The following PRKN variants were observed in gnomAD, a reference collection of about 807,000 sequenced individuals.
PRKN encodes the protein parkin RBR E3 ubiquitin protein ligase.
In PRKN, 56 loss-of-function variants were observed where a neutral mutation model predicts 59.5. The observed-to-expected ratio is 0.94, with a 90% CI of 0.76 to 1.18. The LOEUF is 1.18. PRKN is among the 50% of genes most tolerant of loss of function. The pLI is 0.00. For synonymous variants in PRKN, 250 were observed against 222.1 expected, an observed-to-expected ratio of 1.13 and a Z score of -1.12; for missense variants, 657 against 596.4, an observed-to-expected ratio of 1.10 and a Z score of -1.06.
intron 2 of PRKN, among the ~76,000 whole-genome samples, chr6:162,388,350 G>A (rs1444163436): frequency 2.6e-5 from 4 of 152,170 alleles, no homozygotes; most frequent in Non-Finnish European, 5.9e-5. Flanking sequence ...TCTATCAAGA[G>A]TGACACTTAC....
At position 161,876,608 on chromosome 6, in the gene PRKN, C is replaced by T. The variant is rs149861028; in HGVS notation, c.735-90700G>A. Among the ~76,000 whole-genome samples the T allele has an allele frequency of 3.1e-4, 47 of 152,230 alleles. No homozygotes were observed. The East Asian group carries it at 6.6e-3, about 21-fold the overall frequency. On this transcript the variant is annotated intron_variant, in intron 6 of 11. Coordinates refer to ENST00000366898, the MANE Select transcript of PRKN (RefSeq NM_004562.3). ...GATTACAGGCGTGAGCCACCATGCC[C>T]GGCTTTATTTTCACTTTTCTTATGA...
rs149403605 is a variant in PRKN, at chr6:162,234,116, A to G, written c.412+28409T>C. On this transcript the variant is annotated intron_variant, in intron 3 of 11. Coordinates refer to ENST00000366898, the MANE Select transcript of PRKN (RefSeq NM_004562.3). ...ATCATAGTATTGAACCTAACATAGG[A>G]TGGGGGAAAAAAGCAGAGAATGTGT... Among the ~76,000 whole-genome samples, 66 of 152,308 alleles carry G rather than the reference A, an allele frequency of 4.3e-4. 1 individual carries two copies. In the East Asian group the frequency reaches 0.011, roughly 26 times the overall value.
Position 161,548,610 on chromosome 6 carries a change from T to C in PRKN, c.1083+244A>G, listed in dbSNP as rs990863366. Reference sequence around the variant, plus strand: ...CCTAGTGGCTCACAGCATCTTAAAGTAAATACTTCCATAAGCAACCAAAGC... The same window carrying C: ...CCTAGTGGCTCACAGCATCTTAAAGCAAATACTTCCATAAGCAACCAAAGC... On this transcript the variant is annotated intron_variant, in intron 9 of 11. Transcript: ENST00000366898. This position sits in a 1 kb window ranked among gnomAD's most constrained non-coding sequence, Gnocchi z 4.2. The C allele has an allele frequency of 3.9e-6, 2 of 508,510 alleles. No individual in the cohort carries two copies. The highest frequency in any genetic ancestry group is 1.9e-5 in the African/African-American group (1 of 51,870). The allele number at this position is 508,510 out of a possible 1,614,324, so 31.5% of individuals were successfully genotyped here.
chr6:162,293,045 G>T (rs1400855835), intron 2 of PRKN, among the ~76,000 whole-genome samples: 1 of 152,116 alleles, frequency 6.6e-6, no homozygotes, highest in Non-Finnish European at 1.5e-5. Context: ...AAAGGGTGCT[G>T]GCTCAAAAAA....
At chr6:162,461,513 A>AAAG in intron 1 of PRKN, among the ~76,000 whole-genome samples, 1 of 147,424 alleles carries the variant, frequency 6.8e-6, no homozygotes, top group African/African-American at 2.5e-5. Context: ...AAAAAAAAAA[A>AAAG]AAAAAAAAAA....
intron 4 of PRKN, among the ~76,000 whole-genome samples, chr6:162,192,442 ATTT>A (rs10534285): frequency 0.017 from 1,299 of 74,522 alleles, 18 homozygotes; most frequent in African/African-American, 0.067. Context: ...AATTATAGGG[ATTT>A]TTTTTTTTTT....
intron 7 of PRKN, among the ~76,000 whole-genome samples, chr6:161,769,149 G>T (rs973317816): frequency 3.9e-5 from 6 of 152,244 alleles, no homozygotes; most frequent in Middle Eastern, 3.4e-3. Flanking sequence ...ATGTCAAAAA[G>T]AAAATAAGAT....
chr6:161,368,760 G>A (rs61047729), intron 10 of PRKN, among the ~76,000 whole-genome samples: 8,611 of 150,978 alleles, frequency 0.057, 835 homozygotes, highest in African/African-American at 0.2. Context: ...CTGCCTGGCC[G>A]GTTCTCCCTT....
At chr6:161,962,354 G>C (rs544915978) in intron 6 of PRKN, among the ~76,000 whole-genome samples, 32 of 151,930 alleles carry the variant, frequency 2.1e-4, no homozygotes, top group Non-Finnish European at 4.4e-4. Context: ...ATAGCAAATT[G>C]CTAATTATAA....
At chr6:162,038,700 A>T (rs559088140) in intron 5 of PRKN, among the ~76,000 whole-genome samples, 1 of 152,228 alleles carries the variant, frequency 6.6e-6, no homozygotes, top group Non-Finnish European at 1.5e-5. Context: ...TATGTCACTG[A>T]TGTTGACTTG....
intron 1 of PRKN, among the ~76,000 whole-genome samples, chr6:162,659,579 T>C (rs1181049970): frequency 1.3e-5 from 2 of 152,140 alleles, no homozygotes; most frequent in East Asian, 3.9e-4. Flanking sequence ...AGGATTTCAA[T>C]TAATGCATAT....
chr6:161,780,316 C>T (rs559555729), intron 7 of PRKN, among the ~76,000 whole-genome samples: 1 of 152,234 alleles, frequency 6.6e-6, no homozygotes, highest in South Asian at 2.1e-4. Context: ...AGGACTTACA[C>T]AGGTATTATG....
At chr6:161,902,560 A>ATCTATTTTTTTTTTT (rs1554245457) in intron 6 of PRKN, among the ~76,000 whole-genome samples, 48 of 125,328 alleles carry the variant, frequency 3.8e-4, no homozygotes, top group East Asian at 9.8e-4. Context: ...TTATTTATTT[A>ATCTATTTTTTTTTTT]TTTATTTTTT....
At chr6:162,397,946 A>T (rs1787557500) in intron 2 of PRKN, among the ~76,000 whole-genome samples, 1 of 151,564 alleles carries the variant, frequency 6.6e-6, no homozygotes, top group Non-Finnish European at 1.5e-5. Flanking sequence ...CTGAGGCCTG[A>T]GAACCACTTG....
chr6:161,579,606 C>T lies in PRKN; in HGVS notation c.872-10190G>A, dbSNP rs148909163. On this transcript the variant is annotated intron_variant, in intron 7 of 11. Coordinates refer to ENST00000366898, the MANE Select transcript of PRKN (RefSeq NM_004562.3). The surrounding 1 kb of genome is among the most constrained non-coding windows in gnomAD (Gnocchi z 4.2). ...CACTATTAAGTTTGGGAAAATAAAT[C>T]ATATCCAAAACCAGTATTAAATAAA... Among the ~76,000 whole-genome samples the T allele has an allele frequency of 1.6e-3, 251 of 152,124 alleles. 3 individuals are homozygous for T. The highest frequency in any genetic ancestry group is 5.8e-3 in the African/African-American group (240 of 41,484).
intron 1 of PRKN, among the ~76,000 whole-genome samples, chr6:162,557,022 G>C (rs577178789): frequency 1.3e-5 from 2 of 152,260 alleles, no homozygotes; most frequent in East Asian, 3.9e-4. Context: ...AAGCAATATT[G>C]TACAGAAAGG....
At chr6:162,662,781 T>A (rs923813537) in intron 1 of PRKN, among the ~76,000 whole-genome samples, 1 of 152,222 alleles carries the variant, frequency 6.6e-6, no homozygotes, top group Non-Finnish European at 1.5e-5. Flanking sequence ...CATTAATCTA[T>A]GTGTGTATTT....
At chr6:162,086,445 A>T (rs56294964) in intron 4 of PRKN, among the ~76,000 whole-genome samples, 5,796 of 152,290 alleles carry the variant, frequency 0.038, 164 homozygotes, top group Non-Finnish European at 0.059. Flanking sequence ...AATGGAGAGA[A>T]AAGAGAGGAA....
chr6:162,600,182 C>T (rs926245798), intron 1 of PRKN, among the ~76,000 whole-genome samples: 6 of 152,184 alleles, frequency 3.9e-5, no homozygotes, highest in Non-Finnish European at 5.9e-5. Flanking sequence ...TTCCTGACTT[C>T]TATCACCAAA....
Sources: gnomAD v4.1 joint callset for allele counts (sites outside exome capture counted in the v4.1 genomes callset) on GRCh38, gnomAD v4.1.1 for gene constraint, Gnocchi (gnomAD v3.1) non-coding constraint, MANE v1.5 for transcripts, NCBI Gene and HGNC (gene_info 2026-07-23, HGNC 2026-07-21) for gene names.